CSMD1: variants seen among roughly 807,000 people sequenced by gnomAD.
The protein encoded by CSMD1 is CUB and Sushi multiple domains 1.
CSMD1 carries 213 observed loss-of-function variants against 417.5 expected under a neutral mutation model. The observed-to-expected ratio is 0.51, with a 90% confidence interval of 0.46 to 0.57. The LOEUF (loss-of-function observed/expected upper bound fraction) is 0.57. Among genes scored for constraint, CSMD1 ranks in the 20% least tolerant of loss-of-function variants. The pLI is 0.00. For missense variants in CSMD1, 6,923 were observed against 4,529.7 expected, an observed-to-expected ratio of 1.53 and a Z score of -15.17; for synonymous variants, 2,862 against 1,736.8, an observed-to-expected ratio of 1.65 and a Z score of -16.11.
chr8:3,337,313 A>G (rs1001619306), intron 23 of CSMD1, among the ~76,000 whole-genome samples: 6 of 152,228 alleles, frequency 3.9e-5, no homozygotes, highest in Non-Finnish European at 7.3e-5. Flanking sequence ...CTTTTTAATT[A>G]AACCTTTTTG....
At chr8:3,391,524 C>A (rs1234680999) in intron 17 of CSMD1, among the ~76,000 whole-genome samples, 1 of 152,162 alleles carries the variant, frequency 6.6e-6, no homozygotes, top group Non-Finnish European at 1.5e-5. Flanking sequence ...AGACACTGTG[C>A]CACATTCCTC....
intron 1 of CSMD1, among the ~76,000 whole-genome samples, chr8:4,959,540 G>A (rs541709629): frequency 2.6e-4 from 40 of 152,334 alleles, no homozygotes; most frequent in African/African-American, 9.4e-4. Context: ...GCTCCATGGT[G>A]ACCACTCTGG....
At chr8:4,845,649 G>A (rs529585171) in intron 1 of CSMD1, among the ~76,000 whole-genome samples, 56 of 152,276 alleles carry the variant, frequency 3.7e-4, no homozygotes, top group African/African-American at 1.2e-3. Context: ...TGTTGAAGAA[G>A]CACAGACGGG....
intron 5 of CSMD1, among the ~76,000 whole-genome samples, chr8:3,763,371 G>T (rs949673053): frequency 6.6e-6 from 1 of 152,130 alleles, no homozygotes; most frequent in African/African-American, 2.4e-5. Flanking sequence ...TGAATGAATG[G>T]CTGGTGCCTT....
intron 33 of CSMD1, among the ~76,000 whole-genome samples, chr8:3,197,771 C>T (rs906559981): frequency 7.2e-5 from 11 of 152,134 alleles, no homozygotes; most frequent in Non-Finnish European, 1.5e-4. Context: ...GCTTCAAATA[C>T]TTTTTAGGCT....
chr8:4,072,553 A>G (rs1056943377), intron 3 of CSMD1, among the ~76,000 whole-genome samples: 6 of 152,180 alleles, frequency 3.9e-5, no homozygotes, highest in African/African-American at 1.2e-4. Flanking sequence ...AGTATTGTGC[A>G]TATTTTCATA....
intron 3 of CSMD1, among the ~76,000 whole-genome samples, chr8:4,055,678 G>C (rs1798654418): frequency 6.6e-6 from 1 of 151,982 alleles, no homozygotes; most frequent in Non-Finnish European, 1.5e-5. Context: ...TGCCACCAAA[G>C]TAACAATATA....
chr8:3,431,615 T>C (rs1191512458), intron 12 of CSMD1, among the ~76,000 whole-genome samples: 1 of 152,184 alleles, frequency 6.6e-6, no homozygotes, highest in African/African-American at 2.4e-5. Context: ...TTACCTCATT[T>C]CCACCAATAA....
At chr8:3,819,611 T>C (rs1801604641) in intron 5 of CSMD1, among the ~76,000 whole-genome samples, 1 of 151,898 alleles carries the variant, frequency 6.6e-6, no homozygotes, top group African/African-American at 2.4e-5. Flanking sequence ...TGAGACAGGA[T>C]CTCACTTTGT....
intron 5 of CSMD1, among the ~76,000 whole-genome samples, chr8:3,843,619 A>G (rs1803279284): frequency 1.3e-5 from 2 of 152,162 alleles, no homozygotes; most frequent in Non-Finnish European, 2.9e-5. Context: ...TTAAAGAGAA[A>G]TTTGTTATAG....
At chr8:3,274,020 A>G (rs1412347817) in intron 26 of CSMD1, among the ~76,000 whole-genome samples, 1 of 151,058 alleles carries the variant, frequency 6.6e-6, no homozygotes, top group Non-Finnish European at 1.5e-5. Context: ...TTGTGATGTT[A>G]GGGTGTCAAT....
At chr8:3,968,004 TAAAAAAAAAAAAAA>T (rs11330461) in intron 5 of CSMD1, among the ~76,000 whole-genome samples, 3 of 98,920 alleles carry the variant, frequency 3.0e-5, no homozygotes, top group Non-Finnish European at 5.6e-5. Flanking sequence ...CGTCACTGCT[TAAAAAAAAAAAAAA>T]AAAAAAAAAT....
intron 50 of CSMD1, among the ~76,000 whole-genome samples, chr8:3,031,026 T>C (rs1810308165): frequency 6.6e-6 from 1 of 151,900 alleles, no homozygotes; most frequent in African/African-American, 2.4e-5. Flanking sequence ...GTTGAAGGAA[T>C]TATTCTAAAT....
At chr8:3,760,815 G>C (rs777832012) in intron 5 of CSMD1, among the ~76,000 whole-genome samples, 2 of 152,184 alleles carry the variant, frequency 1.3e-5, no homozygotes, top group African/African-American at 2.4e-5. Context: ...TGATGACTCA[G>C]AAGCCAGAAA....
intron 5 of CSMD1, among the ~76,000 whole-genome samples, chr8:3,985,809 G>C (rs1159135397): frequency 1.3e-5 from 2 of 151,354 alleles, no homozygotes; most frequent in Non-Finnish European, 2.9e-5. Flanking sequence ...AGATTGGACA[G>C]GGTGAGACAG....
chr8:4,663,400 T>C (rs529329152), intron 1 of CSMD1, among the ~76,000 whole-genome samples: 52 of 152,242 alleles, frequency 3.4e-4, no homozygotes, highest in African/African-American at 1.2e-3. Context: ...TGCTAAGTGA[T>C]TGGTTTGGGT....
chr8:2,953,127 A>G (rs1297508020), intron 65 of CSMD1, among the ~76,000 whole-genome samples: 9 of 152,224 alleles, frequency 5.9e-5, no homozygotes, highest in Non-Finnish European at 8.8e-5. Context: ...ACACACAACA[A>G]TAATAACAAA....
chr8:4,071,825 G>A (rs141342883), intron 3 of CSMD1, among the ~76,000 whole-genome samples: 1 of 151,220 alleles, frequency 6.6e-6, no homozygotes, highest in African/African-American at 2.4e-5. Flanking sequence ...ACTTCCTGTT[G>A]TGGGGGGGTG....
intron 5 of CSMD1, among the ~76,000 whole-genome samples, chr8:3,901,184 A>C (rs992828500): frequency 6.6e-6 from 1 of 152,220 alleles, no homozygotes; most frequent in African/African-American, 2.4e-5. Flanking sequence ...AAAAGCAGAG[A>C]ATTTATTGAT....
Sources: gnomAD v4.1 joint callset for allele counts (sites outside exome capture counted in the v4.1 genomes callset) on GRCh38, gnomAD v4.1.1 for gene constraint, MANE v1.5 for transcripts, NCBI Gene and HGNC (gene_info 2026-07-23, HGNC 2026-07-21) for gene names.